The following HDGFL3 variants were observed in gnomAD, a reference collection of about 807,000 sequenced individuals.
The protein encoded by HDGFL3 is hepatoma-derived growth factor-related protein 3.
A neutral mutation model predicts 27.6 loss-of-function variants in HDGFL3; 6 were observed. The observed-to-expected ratio is 0.22, with a 90% confidence interval of 0.12 to 0.43. HDGFL3 has a LOEUF of 0.43. HDGFL3 is among the 20% of genes least tolerant of loss of function. The pLI is 1.00. For missense variants in HDGFL3, 207 were observed against 250.1 expected, an observed-to-expected ratio of 0.83 and a Z score of 1.16; for synonymous variants, 88 against 88.9, an observed-to-expected ratio of 0.99 and a Z score of 0.05.
intron 1 of HDGFL3, among the ~76,000 whole-genome samples, chr15:83,173,300 C>T (rs991346208): frequency 3.3e-5 from 5 of 152,200 alleles, no homozygotes; most frequent in African/African-American, 1.2e-4. Flanking sequence ...ACGTGAGATA[C>T]TCAATACTAT....
chr15:83,167,147 C>T (rs1412396342), intron 1 of HDGFL3, among the ~76,000 whole-genome samples: 2 of 152,138 alleles, frequency 1.3e-5, no homozygotes, highest in Non-Finnish European at 2.9e-5. Flanking sequence ...TGTAACGACA[C>T]CCATAAGCTC....
chr15:83,139,301 A>T (rs753425922), intron 5 of HDGFL3, 26 bp from the exon 6 acceptor site: 1 of 1,393,400 alleles, frequency 7.2e-7, no homozygotes, highest in Admixed American at 2.3e-5. Context: ...AAAGAAAGAA[A>T]ACAAGCCTTT....
intron 1 of HDGFL3, among the ~76,000 whole-genome samples, chr15:83,167,390 T>C (rs1293157262): frequency 2.0e-5 from 3 of 152,034 alleles, no homozygotes; most frequent in Non-Finnish European, 2.9e-5. Context: ...ACCCTGTCTC[T>C]ACTAAAAATC....
chr15:83,133,517 A>G lies in HDGFL3; in HGVS notation c.*5753T>C, dbSNP rs1340231872. 6.6e-6 allele frequency: 1 copy of G among 152,210 alleles called. No individual in the cohort carries two copies. The highest frequency in any genetic ancestry group is 6.5e-5 in the Admixed American group (1 of 15,282). 9.4% of individuals were successfully genotyped at this position (152,210 alleles called of 1,614,324 possible). A position where few individuals can be genotyped will look rare whatever the true frequency, so the allele number is the denominator to read the frequency against. ...GAGTATATCTCTTAATTATTTCTGT[A>G]AGGTGAAAATGATTTAGAATGAAGT... On this transcript the variant is annotated 3_prime_UTR_variant, in exon 6 of 6. Coordinates refer to ENST00000299633, the MANE Select transcript of HDGFL3 (RefSeq NM_016073.4).
rs866262617 is a variant in HDGFL3 at position 83,136,761 on chromosome 15, C to T, written c.*2509G>A. 3.2e-5 allele frequency: 34 copies of T among 1,074,714 alleles called. No individual in the cohort carries two copies. Among genetic ancestry groups the T allele is most frequent in the Middle Eastern group, 3.2e-4 (1 of 3,144 alleles). 66.6% of individuals were successfully genotyped at this position (1,074,714 alleles called of 1,614,324 possible). On this transcript the variant is annotated 3_prime_UTR_variant, in exon 6 of 6. Transcript: ENST00000299633. ...TGTCCCATTTCACTCTCTTCTCATA[C>T]GTGAGTACTTAAGAATATGTACATT...
intron 2 of HDGFL3, among the ~76,000 whole-genome samples, chr15:83,160,992 A>G: frequency 6.6e-6 from 1 of 152,338 alleles, no homozygotes; most frequent in East Asian, 1.9e-4. Flanking sequence ...ACATTACTGG[A>G]CATCTTAATA....
Position 83,207,616 on chromosome 15 carries a change from C to T in HDGFL3, c.-202G>A. 1 of 275,482 alleles carries T rather than the reference C, an allele frequency of 3.6e-6. No individual in the cohort carries two copies. Among genetic ancestry groups the T allele is most frequent in the South Asian group, 1.5e-4 (1 of 6,720 alleles). The allele number at this position is 275,482 out of a possible 1,614,324, so 17.1% of individuals were successfully genotyped here. Reference sequence around the variant, plus strand: ...GCGCAGCAGGCCCGGCAAATCACGGCCCGGCAGCGGGGGAGGGGAGCCCCC... The same window carrying T: ...GCGCAGCAGGCCCGGCAAATCACGGTCCGGCAGCGGGGGAGGGGAGCCCCC... On this transcript the variant is annotated 5_prime_UTR_variant, in exon 1 of 6. Transcript: ENST00000299633. The surrounding 1 kb of genome is among the most constrained non-coding windows in gnomAD (Gnocchi z 4.8).
intron 1 of HDGFL3, among the ~76,000 whole-genome samples, chr15:83,199,131 A>G (rs572148480): frequency 1.2e-4 from 18 of 152,288 alleles, no homozygotes; most frequent in African/African-American, 4.1e-4. Context: ...AGGGAAGGAG[A>G]TAAGAGAAGT....
rs2036713278 is a variant in HDGFL3, at chr15:83,139,003, C to T, written c.*267G>A. Reference sequence around the variant, plus strand: ...GATCCTAGACATGTATAAGTCTGCGCAAAAATCTTGATAATCCTTAGTGGT... The same window carrying T: ...GATCCTAGACATGTATAAGTCTGCGTAAAAATCTTGATAATCCTTAGTGGT... On this transcript the variant is annotated 3_prime_UTR_variant, in exon 6 of 6. Transcript: ENST00000299633. The T allele has an allele frequency of 7.1e-6, 2 of 282,388 alleles. No individual in the cohort carries two copies. Among genetic ancestry groups the T allele is most frequent in the Non-Finnish European group, 1.3e-5 (2 of 151,084 alleles). The allele number at this position is 282,388 out of a possible 1,614,324, so 17.5% of individuals were successfully genotyped here. A position where few individuals can be genotyped will look rare whatever the true frequency, so the allele number is the denominator to read the frequency against.
At chr15:83,180,383 C>T (rs2037365717) in intron 1 of HDGFL3, among the ~76,000 whole-genome samples, 1 of 151,430 alleles carries the variant, frequency 6.6e-6, no homozygotes, top group Non-Finnish European at 1.5e-5. Flanking sequence ...GGCTAGCTGA[C>T]AAAAAACGTA....
intron 2 of HDGFL3, among the ~76,000 whole-genome samples, chr15:83,163,613 G>A (rs910085874): frequency 4.6e-5 from 7 of 152,166 alleles, no homozygotes; most frequent in Non-Finnish European, 7.3e-5. Context: ...AGGTGAAAGA[G>A]CCAGAGAGAA....
At chr15:83,151,773 G>A (rs2036966578) in intron 4 of HDGFL3, among the ~76,000 whole-genome samples, 1 of 152,212 alleles carries the variant, frequency 6.6e-6, no homozygotes, top group Non-Finnish European at 1.5e-5. Flanking sequence ...GAAATTGAAA[G>A]AAGTGAGGTG....
downstream of HDGFL3, chr15:83,127,242 T>A (rs2035853893): frequency 1.9e-6 from 2 of 1,046,578 alleles, no homozygotes; most frequent in South Asian, 2.4e-5. Flanking sequence ...AAGAGTCCCA[T>A]ATAGGAAATA....
chr15:83,192,992 C>A (rs909572521), intron 1 of HDGFL3, among the ~76,000 whole-genome samples: 1 of 152,200 alleles, frequency 6.6e-6, no homozygotes, highest in Non-Finnish European at 1.5e-5. Flanking sequence ...CCATGTAACG[C>A]CATGTCACCA....
At chr15:83,157,881 T>G (rs1469148233) in intron 3 of HDGFL3, 22 bp downstream of exon 3, 1 of 1,603,576 alleles carries the variant, frequency 6.2e-7, no homozygotes, top group Admixed American at 1.7e-5. Flanking sequence ...ATATAGCAAG[T>G]GACAAGGAAG....
At position 83,178,876 on chromosome 15, in the gene HDGFL3, C is replaced by T. The variant is rs138408470; in HGVS notation, c.85-14801G>A. Among the ~76,000 whole-genome samples, 1,413 of 152,256 alleles carry T rather than the reference C, an allele frequency of 9.3e-3. 13 individuals carry two copies. The highest frequency in any genetic ancestry group is 0.016 in the Non-Finnish European group (1,073 of 68,012). ...GTCACTGAGTTCACAGTATTCACTG[C>T]GAAATGGATCAGGCTTCTACTGTGG... On this transcript the variant is annotated intron_variant, in intron 1 of 5. Transcript: ENST00000299633.
intron 1 of HDGFL3, among the ~76,000 whole-genome samples, chr15:83,166,195 C>T (rs898336973): frequency 6.6e-6 from 1 of 152,094 alleles, no homozygotes; most frequent in African/African-American, 2.4e-5. Context: ...ATATTGAAGG[C>T]AGCTAGAGAA....
chr15:83,172,303 T>C (rs2037255417), intron 1 of HDGFL3, among the ~76,000 whole-genome samples: 2 of 152,168 alleles, frequency 1.3e-5, no homozygotes, highest in African/African-American at 4.8e-5. Context: ...TGCCAGTGCC[T>C]TCCTCTTGGA....
chr15:83,177,719 T>C (rs2037330784), intron 1 of HDGFL3, among the ~76,000 whole-genome samples: 1 of 152,218 alleles, frequency 6.6e-6, no homozygotes, highest in Non-Finnish European at 1.5e-5. Flanking sequence ...TTAATTTTTA[T>C]ATGTTATGTA....
Sources: allele counts gnomAD v4.1 joint callset (sites outside exome capture counted in the v4.1 genomes callset), GRCh38; gene constraint gnomAD v4.1.1; non-coding constraint Gnocchi (gnomAD v3.1); transcripts MANE v1.5; gene names NCBI Gene and HGNC (gene_info 2026-07-23, HGNC 2026-07-21).